Variants in SUCO observed in about 807,000 individuals in gnomAD.
SUCO encodes the protein SUN domain-containing ossification factor.
In SUCO, 57 loss-of-function variants were observed where a neutral mutation model predicts 148.1. The ratio of observed to expected loss-of-function variants is 0.38; its 90% CI spans 0.31 to 0.48. The LOEUF (loss-of-function observed/expected upper bound fraction) is 0.48. SUCO is among the 20% of genes least tolerant of loss of function. The probability of loss-of-function intolerance (pLI) is 0.96; values close to 1 mark genes in which losing one functional copy is unlikely to be tolerated. For missense variants in SUCO, 1,331 were observed against 1,468.2 expected (o/e 0.91, Z 1.53); for synonymous variants, 470 against 502.7 (o/e 0.93, Z 0.87).
At chr1:172,534,122 T>G (rs888943647) in intron 1 of SUCO, among the ~76,000 whole-genome samples, 1 of 152,150 alleles carries the variant, frequency 6.6e-6, no homozygotes, top group African/African-American at 2.4e-5. Flanking sequence ...TGTAGTAGTT[T>G]TTGGTAATGC....
At chr1:172,556,061 C>G in intron 4 of SUCO, 38 bp downstream of exon 4, 1 of 1,528,576 alleles carries the variant, frequency 6.5e-7, no homozygotes, top group Non-Finnish European at 9.0e-7. Context: ...AAAAGAATCT[C>G]CTTAGTTAGT....
intron 1 of SUCO, among the ~76,000 whole-genome samples, chr1:172,547,264 A>G (rs537834550): frequency 2.0e-5 from 3 of 152,312 alleles, no homozygotes; most frequent in Admixed American, 2.0e-4. Flanking sequence ...CACTGTATGA[A>G]TGTACTACAG....
chr1:172,585,909 C>T lies in SUCO; in HGVS notation c.1619C>T (p.Pro540Leu), dbSNP rs757219594. ...NATATAAPKM[P>L]ESTPVSTPVP... Reference sequence around the variant, plus strand: ...ACTGCCACAGCTGCACCTAAAATGCCTGAATCAACTCCTGTTTCAACTCCT... The same window carrying T: ...ACTGCCACAGCTGCACCTAAAATGCTTGAATCAACTCCTGTTTCAACTCCT... The change falls in exon 17 of 24, where the codon CCT becomes CTT. Residue 540 changes from proline to leucine, a missense_variant. Coordinates refer to ENST00000263688, the MANE Select transcript of SUCO (RefSeq NM_014283.5). The T allele has an allele frequency of 1.2e-6, 2 of 1,611,138 alleles. No homozygotes were observed. The highest frequency in any genetic ancestry group is 1.7e-6 in the Non-Finnish European group (2 of 1,178,616).
At chr1:172,583,591 C>A (rs1346219690) in intron 15 of SUCO, among the ~76,000 whole-genome samples, 3 of 152,124 alleles carry the variant, frequency 2.0e-5, no homozygotes, top group Non-Finnish European at 2.9e-5. Flanking sequence ...TCTCTTAGAT[C>A]CTTTTCTACT....
At chr1:172,558,045 A>G (rs1317365343) in intron 6 of SUCO, among the ~76,000 whole-genome samples, 2 of 152,190 alleles carry the variant, frequency 1.3e-5, no homozygotes, top group Admixed American at 1.3e-4. Flanking sequence ...ATTTTGTGCC[A>G]CCCACAGCTG....
intron 9 of SUCO, among the ~76,000 whole-genome samples, chr1:172,573,064 A>G (rs1487111768): frequency 6.6e-6 from 1 of 152,226 alleles, no homozygotes; most frequent in Non-Finnish European, 1.5e-5. Flanking sequence ...TATAGTTGAC[A>G]TACAATAAAT....
chr1:172,581,239 T>G (rs1655866609), intron 15 of SUCO, among the ~76,000 whole-genome samples: 1 of 152,216 alleles, frequency 6.6e-6, no homozygotes, highest in Admixed American at 6.5e-5. Flanking sequence ...GTTTGGATCT[T>G]TCTCCTTGAA....
rs548294334 is a variant in SUCO at position 172,553,179 on chromosome 1, A to G, written c.178-81A>G. 13 of 1,379,426 alleles carry G rather than the reference A, an allele frequency of 9.4e-6. No individual in the cohort carries two copies. The Admixed American group carries it at 1.9e-4, about 20-fold the overall frequency. The allele number at this position is 1,379,426 out of a possible 1,614,324, so 85.4% of individuals were successfully genotyped here. ...GCAGTTTTTTGGTTTTAAAGTATGGAAAAAAACCATCTTCGTATTGCTTTA... is the reference window on the plus strand; with the variant it reads ...GCAGTTTTTTGGTTTTAAAGTATGGGAAAAAACCATCTTCGTATTGCTTTA... On this transcript the variant is annotated intron_variant, in intron 2 of 23. Transcript: ENST00000263688.
chr1:172,536,546 A>G (rs12081442), intron 1 of SUCO, among the ~76,000 whole-genome samples: 50 of 152,304 alleles, frequency 3.3e-4, no homozygotes, highest in African/African-American at 1.2e-3. Context: ...CCGAAAATCC[A>G]AGATAGAGGG....
chr1:172,578,560 A>G (rs1182402616), intron 14 of SUCO, 171 bp downstream of exon 14: 2 of 966,600 alleles, frequency 2.1e-6, no homozygotes, highest in African/African-American at 3.5e-5. Flanking sequence ...TTCTAATATG[A>G]TTGCTTTGTA....
At chr1:172,591,706 T>G (rs1416268275) in intron 19 of SUCO, among the ~76,000 whole-genome samples, 1 of 152,068 alleles carries the variant, frequency 6.6e-6, no homozygotes, top group East Asian at 1.9e-4. Context: ...TGGTTCCAAG[T>G]CTTTGCTATT....
rs532271957 is a variant in SUCO, at chr1:172,603,587, T to A, written c.3265+800T>A. ...AAGCTAGTAAATCTCTTCTTCCTCC[T>A]TGCTTTTTTCTTTTTCTTTTGGTTG... On this transcript the variant is annotated intron_variant, in intron 22 of 23. Coordinates refer to ENST00000263688, the MANE Select transcript of SUCO (RefSeq NM_014283.5). 4.6e-5 allele frequency among the ~76,000 whole-genome samples: 7 copies of A among 152,140 alleles called. No individual in the cohort carries two copies. The South Asian group carries it at 1.4e-3, about 32-fold the overall frequency.
chr1:172,586,165 TG>T (rs34300126), intron 17 of SUCO, among the ~76,000 whole-genome samples: 10,094 of 151,694 alleles, frequency 0.067, 499 homozygotes, highest in Middle Eastern at 0.12. Flanking sequence ...AAACTTTTTT[TG>T]GGGGGGGTAT....
chr1:172,597,212 A>G (rs998340197), intron 19 of SUCO, among the ~76,000 whole-genome samples: 1 of 152,222 alleles, frequency 6.6e-6, no homozygotes, highest in Non-Finnish European at 1.5e-5. Context: ...TAGGAAAGGG[A>G]ATTCCCTCAC....
chr1:172,600,025 T>C (rs1039190528), intron 19 of SUCO, 39 bp from the exon 20 acceptor site: 5 of 1,299,050 alleles, frequency 3.8e-6, no homozygotes, highest in Non-Finnish European at 4.3e-6. Flanking sequence ...TAATAGTTTG[T>C]AGTTAATATT....
At chr1:172,565,722 C>T (rs1558186525) in intron 6 of SUCO, among the ~76,000 whole-genome samples, 1 of 152,052 alleles carries the variant, frequency 6.6e-6, no homozygotes, top group African/African-American at 2.4e-5. Context: ...ACACAGTTGA[C>T]AGAAAGTTAA....
intron 15 of SUCO, among the ~76,000 whole-genome samples, chr1:172,580,505 T>C (rs1009987108): frequency 6.6e-6 from 1 of 152,212 alleles, no homozygotes; most frequent in African/African-American, 2.4e-5. Flanking sequence ...AAATGTCTTA[T>C]CTGTCTGGAT....
intron 22 of SUCO, among the ~76,000 whole-genome samples, chr1:172,604,574 G>GTTCA (rs1657738747): frequency 6.6e-6 from 1 of 151,832 alleles, no homozygotes; most frequent in Non-Finnish European, 1.5e-5. Context: ...TAAGTGCACA[G>GTTCA]TTCATTAGTA....
Position 172,610,401 on chromosome 1 carries a change from G to A in SUCO, c.*142G>A, listed in dbSNP as rs1021298254. On this transcript the variant is annotated 3_prime_UTR_variant, in exon 24 of 24. Transcript: ENST00000263688. ...ATTATGGTTTCTACCTTTTTAAAAA[G>A]TAGATGGGATTGTGTCAATCTTGGT... 7 of 1,317,016 alleles carry A rather than the reference G, an allele frequency of 5.3e-6. No homozygotes were observed. The highest frequency in any genetic ancestry group is 7.0e-6 in the Non-Finnish European group (7 of 1,000,798). The allele number at this position is 1,317,016 out of a possible 1,614,324, so 81.6% of individuals were successfully genotyped here. A position where few individuals can be genotyped will look rare whatever the true frequency, so the allele number is the denominator to read the frequency against.
Sources: allele counts gnomAD v4.1 joint callset (sites outside exome capture counted in the v4.1 genomes callset), GRCh38; gene constraint gnomAD v4.1.1; transcripts MANE v1.5; gene names NCBI Gene and HGNC (gene_info 2026-07-23, HGNC 2026-07-21).